Variants in PRDM1 observed in about 807,000 individuals in gnomAD.
PRDM1 encodes PR domain zinc finger protein 1.
A neutral mutation model predicts 62.8 loss-of-function variants in PRDM1; 13 were observed. That is an observed-to-expected ratio of 0.21 (90% confidence interval 0.13 to 0.33). The LOEUF (loss-of-function observed/expected upper bound fraction) is 0.33, where lower values mean the gene tolerates loss of function less well. PRDM1 is among the 10% of genes least tolerant of loss of function. PRDM1 has a pLI of 1.00. For missense variants in PRDM1, 895 were observed against 1,058.8 expected (o/e 0.85, Z 2.15); for synonymous variants, 396 against 417.6 (o/e 0.95, Z 0.63).
At position 105,999,903 on chromosome 6, in the gene PRDM1, G is replaced by T. The variant is rs966321602; in HGVS notation, c.-67+6264G>T. On this transcript the variant is annotated intron_variant, in intron 1 of 6. Coordinates refer to the PRDM1 transcript ENST00000652320. ...GAGTCTTGCTCTGTCGCCCAGGCTG[G>T]AGTGCAGTGGCGCCATCTCGGCTCA... Among the ~76,000 whole-genome samples, 10 of 152,224 alleles carry T rather than the reference G, an allele frequency of 6.6e-5. No homozygotes were observed. In the East Asian group the frequency reaches 1.9e-3, roughly 29 times the overall value.
chr6:105,993,776 T>A (rs1772312980), intron 1 of PRDM1, among the ~76,000 whole-genome samples: 1 of 152,176 alleles, frequency 6.6e-6, no homozygotes, highest in Non-Finnish European at 1.5e-5. Context: ...AGAGTGGTGG[T>A]ATGGGGCTCT....
At position 106,016,842 on chromosome 6, in the gene PRDM1, C is replaced by T. The variant is rs903442297; in HGVS notation, c.-67+23203C>T. On this transcript the variant is annotated intron_variant, in intron 1 of 6. Coordinates refer to the PRDM1 transcript ENST00000652320. ...CTAATTTTTGTATTTTTAGTAGAGACGGGGTTTCAACACGCTGGCCACGAT... is the reference window on the plus strand; with the variant it reads ...CTAATTTTTGTATTTTTAGTAGAGATGGGGTTTCAACACGCTGGCCACGAT... 1.3e-4 allele frequency among the ~76,000 whole-genome samples: 19 copies of T among 151,958 alleles called. No individual in the cohort carries two copies. In the South Asian group the frequency reaches 2.7e-3, roughly 22 times the overall value.
rs1016891626 is a variant in PRDM1 at position 106,105,409 on chromosome 6, C to A, written c.1249C>A (p.Pro417Thr). 3 of 1,614,090 alleles carry A rather than the reference C, an allele frequency of 1.9e-6. No individual in the cohort carries two copies. The African/African-American group carries it at 4.0e-5, about 22-fold the overall frequency. ...TCACTACCCCAAGTTCCTCTTGCCC[C>A]CCTACGGCATGAATTGTAATGGCCT... is the stretch of plus-strand genomic sequence containing the variant. The part of the protein sequence containing the change: ...NAHYPKFLLP[P>T]YGMNCNGLSA... Residue 417 changes from proline (P) to threonine (T), a missense_variant, in exon 5 of 7, where the codon CCC (proline) becomes ACC (threonine). Physicochemically the swap from Pro to Thr is conservative, Grantham distance 38. This residue lies in a region of PRDM1 where 444 missense variants were observed against 422.7 expected (regional missense o/e 1.05). Coordinates refer to ENST00000369096, the MANE Select transcript of PRDM1 (RefSeq NM_001198.4).
chr6:106,062,500 G>A (rs1171033835), intron 1 of PRDM1, among the ~76,000 whole-genome samples: 1 of 152,182 alleles, frequency 6.6e-6, no homozygotes, highest in Non-Finnish European at 1.5e-5. Context: ...GAATGTGGAG[G>A]AAGCTGGCTC....
chr6:106,094,477 AG>A (rs1774040590), intron 2 of PRDM1, among the ~76,000 whole-genome samples: 1 of 152,228 alleles, frequency 6.6e-6, no homozygotes. Context: ...TTTATTATTA[AG>A]GAGGAACTGG....
intron 1 of PRDM1, among the ~76,000 whole-genome samples, chr6:106,038,012 G>GTTTTTTTTTTTTTTTTTTTTTTTTTTTT (rs1302119750): frequency 9.7e-5 from 2 of 20,524 alleles, no homozygotes; most frequent in Admixed American, 5.3e-4. Context: ...TGCTATTTTT[G>GTTTTTTTTTTTTTTTTTTTTTTTTTTTT]TCTTTTTTTT....
chr6:106,059,498 G>A (rs1303462725), intron 1 of PRDM1, among the ~76,000 whole-genome samples: 2 of 152,182 alleles, frequency 1.3e-5, no homozygotes, highest in African/African-American at 2.4e-5. Context: ...CAAGAGATAG[G>A]TAGAACATGG....
chr6:106,093,320 C>T (rs536537766), intron 2 of PRDM1, among the ~76,000 whole-genome samples: 21 of 152,302 alleles, frequency 1.4e-4, no homozygotes, highest in African/African-American at 4.8e-4. Context: ...AGAAGAACCA[C>T]GACCTCAGTG....
intron 1 of PRDM1, among the ~76,000 whole-genome samples, chr6:106,018,828 A>C (rs1040887960): frequency 6.6e-6 from 1 of 151,982 alleles, no homozygotes; most frequent in African/African-American, 2.4e-5. Context: ...CCAGAGAAAA[A>C]AATGACCCAT....
chr6:105,996,044 T>C (rs1178021899), intron 1 of PRDM1, among the ~76,000 whole-genome samples: 1 of 152,226 alleles, frequency 6.6e-6, no homozygotes, highest in Non-Finnish European at 1.5e-5. Flanking sequence ...TTTCTGATCT[T>C]AGAAATTCTA....
At chr6:106,022,912 A>G (rs945949848) in intron 1 of PRDM1, among the ~76,000 whole-genome samples, 26 of 152,210 alleles carry the variant, frequency 1.7e-4, no homozygotes, top group Admixed American at 1.3e-3. Flanking sequence ...TGTCGTCACC[A>G]TGAATACTAA....
intron 1 of PRDM1, among the ~76,000 whole-genome samples, chr6:106,002,443 G>A (rs1046497678): frequency 1.3e-5 from 2 of 152,094 alleles, no homozygotes; most frequent in Non-Finnish European, 2.9e-5. Context: ...ATTTTGGGGA[G>A]CGATTAAAAG....
intron 1 of PRDM1, among the ~76,000 whole-genome samples, chr6:106,013,155 A>G (rs1437159209): frequency 6.6e-6 from 1 of 151,880 alleles, no homozygotes; most frequent in Non-Finnish European, 1.5e-5. Flanking sequence ...AAGTGCTGAG[A>G]TTACAGGTGT....
intron 1 of PRDM1, among the ~76,000 whole-genome samples, chr6:106,080,273 T>C (rs1365567165): frequency 6.6e-6 from 1 of 152,146 alleles, no homozygotes; most frequent in African/African-American, 2.4e-5. Context: ...GTGTGCCTCG[T>C]GCCACTTGTT....
intron 1 of PRDM1, chr6:106,071,950 T>G (rs1773527277): frequency 6.6e-6 from 1 of 152,186 alleles, no homozygotes; most frequent in Non-Finnish European, 1.5e-5. Context: ...ACCCCAGCAT[T>G]CTCAAGGTTC....
intron 1 of PRDM1, among the ~76,000 whole-genome samples, chr6:106,008,947 T>C (rs533252450): frequency 1.4e-4 from 22 of 152,198 alleles, no homozygotes; most frequent in Non-Finnish European, 2.2e-4. Context: ...TCACAGACTA[T>C]AGTCTTCCCG....
intron 1 of PRDM1, among the ~76,000 whole-genome samples, chr6:106,003,169 T>C (rs1772447216): frequency 6.6e-6 from 1 of 152,178 alleles, no homozygotes; most frequent in Admixed American, 6.5e-5. Context: ...ATGCATATTA[T>C]GAATAAAGTG....
At chr6:106,090,719 CTACATG>C (rs1230357994) in intron 2 of PRDM1, among the ~76,000 whole-genome samples, 8 of 152,160 alleles carry the variant, frequency 5.3e-5, no homozygotes, top group Non-Finnish European at 5.9e-5. Context: ...AAGAGTCTTT[CTACATG>C]TACTTTTTAT....
chr6:106,003,561 A>C (rs1017155428), intron 1 of PRDM1, among the ~76,000 whole-genome samples: 8 of 152,168 alleles, frequency 5.3e-5, no homozygotes, highest in Non-Finnish European at 1.2e-4. Flanking sequence ...GGGGCTGGTA[A>C]CATACTTCTG....
Sources: allele counts gnomAD v4.1 joint callset (sites outside exome capture counted in the v4.1 genomes callset), GRCh38; gene constraint gnomAD v4.1.1; regional missense constraint gnomAD v4.1.1; transcripts MANE v1.5; gene names NCBI Gene and HGNC (gene_info 2026-07-23, HGNC 2026-07-21).